The following PDE9A variants were observed in gnomAD, a reference collection of about 807,000 sequenced individuals.
PDE9A encodes phosphodiesterase 9A, also known as high affinity cGMP-specific 3',5'-cyclic phosphodiesterase 9A.
Under a neutral mutation model 87.4 loss-of-function variants are expected in PDE9A, and 60 were observed. That is an observed-to-expected ratio of 0.69 (90% CI 0.56 to 0.85). The LOEUF (loss-of-function observed/expected upper bound fraction) is 0.85. Among genes scored for constraint, PDE9A ranks in the 40% least tolerant of loss-of-function variants. PDE9A has a pLI of 0.00. For missense variants in PDE9A, 665 were observed against 779.0 expected, an observed-to-expected ratio of 0.85 and a Z score of 1.74; for synonymous variants, 272 against 279.4, an observed-to-expected ratio of 0.97 and a Z score of 0.27.
chr21:42,754,335 T>C (rs4920000), intron 10 of PDE9A, among the ~76,000 whole-genome samples: 66,736 of 152,006 alleles, frequency 0.44, 15,179 homozygotes, highest in South Asian at 0.63. Flanking sequence ...GGGCTCCTGA[T>C]GGCGCTGGGC....
chr21:42,700,859 T>C (rs923103482), intron 4 of PDE9A: 1 of 152,350 alleles, frequency 6.6e-6, no homozygotes, highest in Middle Eastern at 3.4e-3. Context: ...GCACACCATC[T>C]TGACTACCGT....
chr21:42,732,244 T>A, intron 6 of PDE9A, 120 bp downstream of exon 6: 1 of 916,560 alleles, frequency 1.1e-6, no homozygotes, highest in Non-Finnish European at 1.7e-6. Context: ...CTCACCTGCC[T>A]GGAGGAGCTG....
At chr21:42,749,848 T>C (rs1168090054) in intron 8 of PDE9A, among the ~76,000 whole-genome samples, 2 of 152,202 alleles carry the variant, frequency 1.3e-5, no homozygotes, top group Non-Finnish European at 2.9e-5. Context: ...TGTTTAAAAG[T>C]ACAAAGGGGC....
chr21:42,672,789 A>C (rs988112779), intron 1 of PDE9A, among the ~76,000 whole-genome samples: 1 of 152,216 alleles, frequency 6.6e-6, no homozygotes, highest in Non-Finnish European at 1.5e-5. Flanking sequence ...CTTCTGTCGC[A>C]CTGTGGACAC....
chr21:42,740,688 A>G (rs2053094370), intron 7 of PDE9A, among the ~76,000 whole-genome samples: 1 of 147,336 alleles, frequency 6.8e-6, no homozygotes, highest in East Asian at 2.0e-4. Flanking sequence ...ATAGATACAC[A>G]GTAGGTAGGT....
chr21:42,662,255 G>A (rs62215377), intron 1 of PDE9A, among the ~76,000 whole-genome samples: 19,447 of 152,070 alleles, frequency 0.13, 1,555 homozygotes, highest in Non-Finnish European at 0.18. Flanking sequence ...TGGTCCCTGT[G>A]CCTCCCACTA....
At position 42,653,871 on chromosome 21, in the gene PDE9A, AC is replaced by A; in HGVS notation, c.58del (p.Arg20AlafsTer5). On this transcript the variant is annotated frameshift_variant, in exon 1 of 20. Transcript: ENST00000291539. LOFTEE classifies it high-confidence loss of function. ...PKAIYLDIDG[R>X]IQKVIFSKYC... Reference sequence around the variant, plus strand: ...AGGCCATCTACCTGGACATCGATGGACGCATTCAGAAGGTAGCCCCTCCCCC... The same window carrying A: ...AGGCCATCTACCTGGACATCGATGGAGCATTCAGAAGGTAGCCCCTCCCCC... 2 of 1,558,802 alleles carry A rather than the reference AC, an allele frequency of 1.3e-6. No individual in the cohort carries two copies. The highest frequency in any genetic ancestry group is 1.7e-6 in the Non-Finnish European group (2 of 1,151,000).
intron 8 of PDE9A, among the ~76,000 whole-genome samples, chr21:42,746,669 A>T (rs1351450475): frequency 6.6e-6 from 1 of 152,198 alleles, no homozygotes. Flanking sequence ...GGGGAGATGT[A>T]CTTCAGCCCA....
rs749031848 is a variant in PDE9A, at chr21:42,732,128, C to T, written c.497+4C>T. 1.2e-6 allele frequency: 2 copies of T among 1,613,188 alleles called. No individual in the cohort carries two copies. Among genetic ancestry groups the T allele is most frequent in the South Asian group, 2.2e-5 (2 of 91,050 alleles). Reference sequence around the variant, plus strand: ...AGGTTGCAGAGCAGTTCTCAAGGTACAGAGTCTTCTAAACTTACAACCAGC... The same window carrying T: ...AGGTTGCAGAGCAGTTCTCAAGGTATAGAGTCTTCTAAACTTACAACCAGC... On this transcript the variant is annotated splice_donor_region_variant and intron_variant, in intron 6 of 19. Coordinates refer to ENST00000291539, the MANE Select transcript of PDE9A (RefSeq NM_002606.3).
At position 42,679,479 on chromosome 21, in the gene PDE9A, T is replaced by C. The variant is rs939673126; in HGVS notation, c.70-6713T>C. 2.3e-4 allele frequency among the ~76,000 whole-genome samples: 35 copies of C among 152,098 alleles called. 1 individual carries two copies. Among genetic ancestry groups the C allele is most frequent in the Admixed American group, 2.0e-4 (3 of 15,278 alleles). ...AGACCATGAAGCACCCCCCAGGAGC[T>C]GGAGCTCCTCCTTCTGGACCCAGTG... On this transcript the variant is annotated intron_variant, in intron 1 of 19. Coordinates refer to ENST00000291539, the MANE Select transcript of PDE9A (RefSeq NM_002606.3).
At chr21:42,714,016 ATT>A (rs11403559) in intron 4 of PDE9A, among the ~76,000 whole-genome samples, 5 of 90,420 alleles carry the variant, frequency 5.5e-5, no homozygotes, top group Non-Finnish European at 8.2e-5. Flanking sequence ...TTTCATTCCA[ATT>A]TTTTTTTTTT....
At chr21:42,661,936 C>A (rs1167253968) in intron 1 of PDE9A, among the ~76,000 whole-genome samples, 2 of 152,174 alleles carry the variant, frequency 1.3e-5, no homozygotes, top group Admixed American at 6.5e-5. Context: ...GCTACCAGCC[C>A]TGGTGGAGAG....
chr21:42,738,321 T>C (rs754660791), intron 7 of PDE9A, among the ~76,000 whole-genome samples: 2 of 152,244 alleles, frequency 1.3e-5, no homozygotes, highest in African/African-American at 4.8e-5. Flanking sequence ...GCGGGCTCTT[T>C]AGTGAGGCTC....
chr21:42,680,621 C>T (rs1437524793), intron 1 of PDE9A, among the ~76,000 whole-genome samples: 1 of 152,242 alleles, frequency 6.6e-6, no homozygotes, highest in Non-Finnish European at 1.5e-5. Flanking sequence ...GGCCATGGCC[C>T]GTACCAACCG....
rs2146824042 is a variant in PDE9A at position 42,739,127 on chromosome 21, C to T, written c.569-4649C>T. Among the ~76,000 whole-genome samples the T allele has an allele frequency of 6.6e-6, 1 of 152,374 alleles. No individual in the cohort carries two copies. The highest frequency in any genetic ancestry group is 6.5e-5 in the Admixed American group (1 of 15,312). On this transcript the variant is annotated intron_variant, in intron 7 of 19. Transcript: ENST00000291539. The surrounding 1 kb of genome is among the most constrained non-coding windows in gnomAD (Gnocchi z 4.1). ...GGGCTCCCAGCCCCCTAGCAGGGTC[C>T]AGTGGGCCAGGGAGCCTCTGCTTTG...
chr21:42,728,510 A>T (rs1271634177), intron 4 of PDE9A, among the ~76,000 whole-genome samples: 2 of 152,200 alleles, frequency 1.3e-5, no homozygotes, highest in African/African-American at 4.8e-5. Flanking sequence ...TGGTTCCCAA[A>T]TATTGAGCCA....
rs541489722 is a variant in PDE9A at position 42,772,437 on chromosome 21, A to C, written c.1687-2A>C. The C allele has an allele frequency of 8.7e-6, 14 of 1,601,488 alleles. No individual in the cohort carries two copies. In the South Asian group the frequency reaches 1.1e-4, roughly 13 times the overall value. On this transcript the variant is annotated splice_acceptor_variant, in intron 18 of 19. Transcript: ENST00000291539. LOFTEE classifies it high-confidence loss of function. ...CTTGGCCTTCTCTGTACTCTGTTCC[A>C]GTTACAGAAGAAGACTGACAGCTTG...
intron 4 of PDE9A, among the ~76,000 whole-genome samples, chr21:42,707,237 C>T (rs1296441839): frequency 6.6e-6 from 1 of 152,230 alleles, no homozygotes; most frequent in Non-Finnish European, 1.5e-5. Flanking sequence ...TGAAAGTTCA[C>T]AGCAGAGGAT....
chr21:42,738,188 C>T (rs536898090), intron 7 of PDE9A, among the ~76,000 whole-genome samples: 2 of 152,326 alleles, frequency 1.3e-5, no homozygotes, highest in Admixed American at 6.5e-5. Context: ...CTAAACACAG[C>T]GTGGGCCGTG....
Sources: allele counts gnomAD v4.1 joint callset (sites outside exome capture counted in the v4.1 genomes callset), GRCh38; gene constraint gnomAD v4.1.1; non-coding constraint Gnocchi (gnomAD v3.1); transcripts MANE v1.5; gene names NCBI Gene and HGNC (gene_info 2026-07-23, HGNC 2026-07-21).